ABR: variants seen among roughly 807,000 people sequenced by gnomAD.
ABR encodes active breakpoint cluster region-related protein.
Under a neutral mutation model 107.2 loss-of-function variants are expected in ABR, and 35 were observed. The observed-to-expected ratio is 0.33, with a 90% CI of 0.25 to 0.43. ABR has a LOEUF of 0.43. Ranked by LOEUF, ABR falls within the 20% of genes least tolerant of loss-of-function variation. ABR has a pLI of 1.00. For missense variants in ABR, 815 were observed against 1,115.2 expected (o/e 0.73, Z 3.83); for synonymous variants, 498 against 462.0 (o/e 1.08, Z -1.00).
chr17:1,068,456 C>A (rs948764456), intron 9 of ABR, among the ~76,000 whole-genome samples: 4 of 152,126 alleles, frequency 2.6e-5, no homozygotes, highest in African/African-American at 9.7e-5. Flanking sequence ...GGGGGCACAG[C>A]CAACCAGGGA....
rs985229405 is a variant in ABR, at chr17:1,078,897, C to T, written c.700+433G>A. 8.5e-6 allele frequency: 13 copies of T among 1,534,834 alleles called. No individual in the cohort carries two copies. The highest frequency in any genetic ancestry group is 5.5e-5 in the African/African-American group (4 of 73,024). ...CCCCGCGGCGGGAGCGTGCAGCCAT[C>T]GCTCCAGGCTCCCCGGCGCCCACCA... is the stretch of plus-strand genomic sequence containing the variant. On this transcript the variant is annotated intron_variant, in intron 6 of 22. Transcript: ENST00000302538. The surrounding 1 kb of genome is among the most constrained non-coding windows in gnomAD (Gnocchi z 7.5).
At chr17:1,101,789 A>G (rs1455248937) in intron 2 of ABR, among the ~76,000 whole-genome samples, 3 of 149,612 alleles carry the variant, frequency 2.0e-5, no homozygotes, top group Non-Finnish European at 4.4e-5. Flanking sequence ...GCTAGAGTGC[A>G]GTGGCGCGAT....
At chr17:1,046,099 G>A (rs187731222) in intron 16 of ABR, among the ~76,000 whole-genome samples, 132 of 152,214 alleles carry the variant, frequency 8.7e-4, no homozygotes, top group Middle Eastern at 6.8e-3. Flanking sequence ...TCGAACTCCT[G>A]ACCTCAGGTG....
At chr17:1,065,978 C>G (rs936251743) in intron 10 of ABR, among the ~76,000 whole-genome samples, 1 of 152,172 alleles carries the variant, frequency 6.6e-6, no homozygotes, top group Non-Finnish European at 1.5e-5. Context: ...CTCCTGACCT[C>G]AGGTGACCTG....
intron 2 of ABR, among the ~76,000 whole-genome samples, chr17:1,102,306 G>A (rs535070345): frequency 9.2e-5 from 14 of 152,280 alleles, no homozygotes; most frequent in African/African-American, 2.2e-4. Flanking sequence ...TGAGAGGGCC[G>A]GGGAGACAGG....
intron 1 of ABR, among the ~76,000 whole-genome samples, chr17:1,214,000 G>A (rs2150744979): frequency 6.6e-6 from 1 of 152,084 alleles, no homozygotes; most frequent in African/African-American, 2.4e-5. Flanking sequence ...TGATTCTCCT[G>A]CCTCAGCCTC....
chr17:1,160,705 C>T (rs1237161763), intron 1 of ABR, among the ~76,000 whole-genome samples: 1 of 152,204 alleles, frequency 6.6e-6, no homozygotes, highest in African/African-American at 2.4e-5. Flanking sequence ...GCGCAGATGA[C>T]TCAGCCAGGG....
At chr17:1,019,521 G>A (rs1011462799) in intron 16 of ABR, among the ~76,000 whole-genome samples, 25 of 151,378 alleles carry the variant, frequency 1.7e-4, no homozygotes, top group Non-Finnish European at 3.4e-4. Context: ...CCTGGTATCC[G>A]CTCAGAGAGG....
In ABR at chr17:1,179,558, T is replaced by A; in HGVS notation, c.61+109A>T. On this transcript the variant is annotated intron_variant, in intron 1 of 22. Coordinates refer to ENST00000302538, the MANE Select transcript of ABR (RefSeq NM_021962.5). This position sits in a 1 kb window ranked among gnomAD's most constrained non-coding sequence, Gnocchi z 4.9. ...GCGCTCCCCGGACCAGCCCGGTGCC[T>A]GGGTCCCGATCCCGATCTTGGGGTC... The A allele has an allele frequency of 8.3e-7, 1 of 1,202,832 alleles. No homozygotes were observed. Among genetic ancestry groups the A allele is most frequent in the Non-Finnish European group, 1.1e-6 (1 of 916,654 alleles). The allele number at this position is 1,202,832 out of a possible 1,614,324, so 74.5% of individuals were successfully genotyped here. A position where few individuals can be genotyped will look rare whatever the true frequency, so the allele number is the denominator to read the frequency against.
intron 1 of ABR, among the ~76,000 whole-genome samples, chr17:1,147,093 T>C (rs1274409762): frequency 6.6e-6 from 1 of 152,258 alleles, no homozygotes; most frequent in African/African-American, 2.4e-5. Flanking sequence ...GGCCAGGTGC[T>C]CAGTCCTGGC....
At position 1,005,146 on chromosome 17, in the gene ABR, C is replaced by T. The variant is rs552189489; in HGVS notation, c.*934G>A. On this transcript the variant is annotated 3_prime_UTR_variant, in exon 23 of 23. Transcript: ENST00000302538. The stretch of plus-strand genomic sequence containing the variant: ...TGTGGTGTTTCCTCAGCAGCCTGAC[C>T]GCCTCCTCCCCCATTCTCTCCTGAC... 1.6e-4 allele frequency: 62 copies of T among 398,728 alleles called. No homozygotes were observed. The highest frequency in any genetic ancestry group is 2.4e-4 in the Non-Finnish European group (55 of 226,208). The allele number at this position is 398,728 out of a possible 1,614,324, so 24.7% of individuals were successfully genotyped here.
intron 10 of ABR, among the ~76,000 whole-genome samples, chr17:1,062,967 G>A (rs2034212828): frequency 7.0e-6 from 1 of 143,856 alleles, no homozygotes; most frequent in South Asian, 2.3e-4. Flanking sequence ...CTGCTGTTAT[G>A]TGAACTGAGG....
chr17:1,224,570 A>C (rs894997240), intron 1 of ABR, among the ~76,000 whole-genome samples: 6 of 152,176 alleles, frequency 3.9e-5, no homozygotes, highest in African/African-American at 1.4e-4. Flanking sequence ...ATCCAGCAAA[A>C]AGAGACTCAT....
At chr17:1,127,560 A>G (rs2039652579) in intron 1 of ABR, among the ~76,000 whole-genome samples, 1 of 152,112 alleles carries the variant, frequency 6.6e-6, no homozygotes, top group Non-Finnish European at 1.5e-5. Context: ...ACAGGAGGGG[A>G]TGGAAGGCAG....
rs145969121 is a variant in ABR at position 1,053,576 on chromosome 17, G to A, written c.1561+2459C>T. Among the ~76,000 whole-genome samples, 342 of 152,234 alleles carry A rather than the reference G, an allele frequency of 2.2e-3. 1 individual carries two copies. The highest frequency in any genetic ancestry group is 7.9e-3 in the African/African-American group (330 of 41,524). On this transcript the variant is annotated intron_variant, in intron 14 of 22. Coordinates refer to ENST00000302538, the MANE Select transcript of ABR (RefSeq NM_021962.5). ...GAAAAGTCATGGTGCCTACACCCTG[G>A]GCCTGCCTGTCCAGAGGTCCTGAGT...
At chr17:1,074,181 G>A (rs1240216704) in intron 6 of ABR, among the ~76,000 whole-genome samples, 2 of 148,352 alleles carry the variant, frequency 1.3e-5, no homozygotes, top group South Asian at 2.2e-4. Context: ...GCCACGCCCC[G>A]CAGAGTCTAG....
Position 1,050,532 on chromosome 17 carries a change from C to T in ABR, c.1659+5G>A, listed in dbSNP as rs375028591. 5.0e-6 allele frequency: 8 copies of T among 1,613,494 alleles called. No homozygotes were observed. Among genetic ancestry groups the T allele is most frequent in the African/African-American group, 2.7e-5 (2 of 74,916 alleles). On this transcript the variant is annotated splice_donor_5th_base_variant and intron_variant, in intron 15 of 22. Transcript: ENST00000302538. The surrounding 1 kb of genome is among the most constrained non-coding windows in gnomAD (Gnocchi z 4.6). Reference sequence around the variant, plus strand: ...CCCACAGAGATGCCAGCCCCTGCCACTCACCTCATCCCACTTGGGCTCCGC... The same window carrying T: ...CCCACAGAGATGCCAGCCCCTGCCATTCACCTCATCCCACTTGGGCTCCGC...
chr17:1,015,105 C>A (rs2071036497), intron 16 of ABR, among the ~76,000 whole-genome samples: 1 of 152,062 alleles, frequency 6.6e-6, no homozygotes, highest in African/African-American at 2.4e-5. Flanking sequence ...TTAGTTAGTA[C>A]CATGATTGGC....
rs1182389765 is a variant in ABR at position 1,006,093 on chromosome 17, G to T, written c.2567C>A (p.Ser856Tyr). The change falls in exon 23 of 23, where the codon TCC becomes TAC. Residue 856 changes from serine to tyrosine, a missense_variant. Physicochemically the swap from Ser to Tyr is moderately radical, Grantham distance 144. Around this residue, in one of 5 missense-constraint regions of ABR, gnomAD observed 34 missense variants for 26.8 expected, o/e 1.27. Coordinates refer to ENST00000302538, the MANE Select transcript of ABR (RefSeq NM_021962.5). Reference protein sequence around the residue: ...AELKRNTLYFSTDV With the variant: ...AELKRNTLYFYTDV ...CCCTGCCTCGGGCTACACGTCGGTGGAGAAGTACAGTGTGTTCCGCTTGAG... is the reference window on the plus strand; with the variant it reads ...CCCTGCCTCGGGCTACACGTCGGTGTAGAAGTACAGTGTGTTCCGCTTGAG... 8 of 1,573,102 alleles carry T rather than the reference G, an allele frequency of 5.1e-6. No homozygotes were observed. Among genetic ancestry groups the T allele is most frequent in the Non-Finnish European group, 6.9e-6 (8 of 1,159,034 alleles).
Sources: allele counts gnomAD v4.1 joint callset (sites outside exome capture counted in the v4.1 genomes callset), GRCh38; gene constraint gnomAD v4.1.1; regional missense constraint gnomAD v4.1.1; non-coding constraint Gnocchi (gnomAD v3.1); transcripts MANE v1.5; gene names NCBI Gene and HGNC (gene_info 2026-07-23, HGNC 2026-07-21).